TSPAN11: variants seen among roughly 807,000 people sequenced by gnomAD.
TSPAN11 encodes tetraspanin-11.
TSPAN11 carries 29 observed loss-of-function variants against 32.9 expected under a neutral mutation model. The observed-to-expected ratio is 0.88, with a 90% CI of 0.66 to 1.20. TSPAN11 has a LOEUF of 1.20. Ranked by LOEUF, TSPAN11 falls within the 50% of genes most tolerant of loss-of-function variation. The pLI, the probability that TSPAN11 is intolerant of heterozygous loss-of-function variation, is 0.00. For synonymous variants in TSPAN11, 140 were observed against 141.3 expected (o/e 0.99, Z 0.07); for missense variants, 283 against 329.1 (o/e 0.86, Z 1.08).
intron 1 of TSPAN11, among the ~76,000 whole-genome samples, chr12:30,947,995 G>A (rs1938303636): frequency 6.6e-6 from 1 of 152,162 alleles, no homozygotes; most frequent in African/African-American, 2.4e-5. Context: ...CATTCCAAAT[G>A]GGAGAAATTG....
intron 7 of TSPAN11, among the ~76,000 whole-genome samples, chr12:30,988,201 G>A (rs1225118317): frequency 6.6e-6 from 1 of 152,214 alleles, no homozygotes; most frequent in Non-Finnish European, 1.5e-5. Context: ...ACAGTGCTGA[G>A]GTACCACCCG....
intron 3 of TSPAN11, among the ~76,000 whole-genome samples, chr12:30,977,172 T>C (rs1254004651): frequency 1.3e-5 from 2 of 152,222 alleles, no homozygotes; most frequent in Non-Finnish European, 2.9e-5. Context: ...CCGTATTCCT[T>C]AATCCCTGCC....
chr12:30,974,876 C>A (rs991510065), intron 3 of TSPAN11, among the ~76,000 whole-genome samples: 2 of 152,242 alleles, frequency 1.3e-5, no homozygotes, highest in African/African-American at 4.8e-5. Flanking sequence ...AAGGGCAAAG[C>A]AGAGAGTGCA....
intron 3 of TSPAN11, among the ~76,000 whole-genome samples, chr12:30,977,227 G>A (rs1165207602): frequency 6.6e-6 from 1 of 152,222 alleles, no homozygotes; most frequent in Admixed American, 6.5e-5. Flanking sequence ...GGTTGGGCAA[G>A]GCCCATGGGC....
intron 3 of TSPAN11, among the ~76,000 whole-genome samples, chr12:30,964,883 G>A (rs976129617): frequency 2.0e-5 from 3 of 152,140 alleles, no homozygotes; most frequent in East Asian, 3.8e-4. Flanking sequence ...TATCTCCTAC[G>A]TCTCCTAAAG....
chr12:30,953,677 GA>G (rs1486955735), intron 1 of TSPAN11, among the ~76,000 whole-genome samples: 1 of 152,240 alleles, frequency 6.6e-6, no homozygotes, highest in African/African-American at 2.4e-5. Flanking sequence ...GGTGAGACAG[GA>G]AAAGAGATTA....
At chr12:30,928,575 T>C (rs1937850374) in intron 1 of TSPAN11, among the ~76,000 whole-genome samples, 1 of 152,176 alleles carries the variant, frequency 6.6e-6, no homozygotes, top group East Asian at 1.9e-4. Flanking sequence ...TCTTTGTATG[T>C]GATAGCTGTT....
chr12:30,977,772 TCTACAGGTCACACTGAATGCACGG>T (rs1291356454), intron 3 of TSPAN11, among the ~76,000 whole-genome samples: 1 of 152,034 alleles, frequency 6.6e-6, no homozygotes, highest in Non-Finnish European at 1.5e-5. Flanking sequence ...CCCATGTCCT[TCTACAGGTCACACTGAATGCACGG>T]CTGGGAAGCC....
chr12:30,939,224 G>C (rs1938107504), intron 1 of TSPAN11, among the ~76,000 whole-genome samples: 2 of 137,486 alleles, frequency 1.5e-5, no homozygotes, highest in African/African-American at 5.6e-5. Context: ...CTGGGCGACA[G>C]AGCAAGACTC....
chr12:30,929,197 C>T (rs1050012657), intron 1 of TSPAN11, among the ~76,000 whole-genome samples: 1 of 152,092 alleles, frequency 6.6e-6, no homozygotes, highest in Non-Finnish European at 1.5e-5. Flanking sequence ...AAAACCGTTG[C>T]ACCAGAAGAC....
intron 3 of TSPAN11, among the ~76,000 whole-genome samples, chr12:30,972,859 C>T (rs1938879788): frequency 1.3e-5 from 2 of 151,884 alleles, no homozygotes; most frequent in African/African-American, 4.8e-5. Context: ...CCCACTGGTG[C>T]CCAGGACAGC....
intron 1 of TSPAN11, among the ~76,000 whole-genome samples, chr12:30,927,591 T>TG (rs1371752073): frequency 7.4e-6 from 1 of 135,732 alleles, no homozygotes. Flanking sequence ...AGCGTGGGGG[T>TG]GGGGGGTGAG....
At chr12:30,951,828 G>A (rs540976627) in intron 1 of TSPAN11, among the ~76,000 whole-genome samples, 2 of 152,310 alleles carry the variant, frequency 1.3e-5, no homozygotes, top group South Asian at 4.1e-4. Flanking sequence ...TAGGGGAAAG[G>A]AGCACTGAAT....
intron 1 of TSPAN11, 190 bp downstream of exon 1, chr12:30,926,986 C>G: frequency 7.8e-7 from 1 of 1,282,858 alleles, no homozygotes; most frequent in Non-Finnish European, 1.0e-6. Context: ...GCCTGGGACA[C>G]TCGCGGGGCA....
intron 1 of TSPAN11, among the ~76,000 whole-genome samples, chr12:30,934,011 A>T (rs558198602): frequency 6.6e-6 from 1 of 152,264 alleles, no homozygotes; most frequent in Non-Finnish European, 1.5e-5. Context: ...CTCAGTCCTA[A>T]ATCCAAACCT....
chr12:31,013,154 G>A, the TSPAN11 span, among the ~76,000 whole-genome samples: 1 of 152,174 alleles, frequency 6.6e-6, no homozygotes, highest in Non-Finnish European at 1.5e-5. Flanking sequence ...TACAGCCAGG[G>A]AAATAGCCAC....
chr12:30,955,021 G>T (rs4930947), intron 2 of TSPAN11: 1 of 152,078 alleles, frequency 6.6e-6, no homozygotes, highest in Non-Finnish European at 1.5e-5. Flanking sequence ...GGCAAATGCA[G>T]AAGTGGGGGA....
At chr12:30,974,410 C>T (rs955293174) in intron 3 of TSPAN11, among the ~76,000 whole-genome samples, 1 of 152,176 alleles carries the variant, frequency 6.6e-6, no homozygotes, top group African/African-American at 2.4e-5. Flanking sequence ...TTGCCAAATA[C>T]CCACTGGTTG....
the TSPAN11 span, among the ~76,000 whole-genome samples, chr12:31,003,677 G>A: frequency 1.3e-5 from 2 of 152,190 alleles, no homozygotes; most frequent in Non-Finnish European, 2.9e-5. Context: ...CTTGTTTGGT[G>A]AGCATCTGTC....
Sources: gnomAD v4.1 joint callset for allele counts (sites outside exome capture counted in the v4.1 genomes callset) on GRCh38, gnomAD v4.1.1 for gene constraint, MANE v1.5 for transcripts, NCBI Gene and HGNC (gene_info 2026-07-23, HGNC 2026-07-21) for gene names.